Variants in CFAP299 observed in about 807,000 individuals in gnomAD.
The protein encoded by CFAP299 is cilia and flagella associated protein 299, also known as cilia- and flagella-associated protein 299.
Under a neutral mutation model 27.0 loss-of-function variants are expected in CFAP299, and 21 were observed. The ratio of observed to expected loss-of-function variants is 0.78; its 90% CI spans 0.55 to 1.12. The LOEUF (loss-of-function observed/expected upper bound fraction) is 1.12, where lower values mean the gene tolerates loss of function less well. CFAP299 is among the 50% of genes most tolerant of loss of function. The pLI, the probability that CFAP299 is intolerant of heterozygous loss-of-function variation, is 0.00. For synonymous variants in CFAP299, 104 were observed against 98.1 expected, an observed-to-expected ratio of 1.06 and a Z score of -0.36; for missense variants, 310 against 276.6, an observed-to-expected ratio of 1.12 and a Z score of -0.86.
At chr4:80,602,501 A>C (rs1280101585) in intron 3 of CFAP299, among the ~76,000 whole-genome samples, 1 of 152,220 alleles carries the variant, frequency 6.6e-6, no homozygotes, top group African/African-American at 2.4e-5. Flanking sequence ...CATTAACACT[A>C]CTAATAAAGT....
chr4:80,641,095 A>G (rs1341996490), intron 3 of CFAP299, among the ~76,000 whole-genome samples: 2 of 152,220 alleles, frequency 1.3e-5, no homozygotes, highest in Non-Finnish European at 2.9e-5. Context: ...TCATCAAAGC[A>G]TATTTTAACT....
At chr4:80,662,410 CG>C (rs1454810489) in intron 3 of CFAP299, among the ~76,000 whole-genome samples, 68 of 42,786 alleles carry the variant, frequency 1.6e-3, no homozygotes, top group Middle Eastern at 0.029. Context: ...GAATTTCCCC[CG>C]AAAAAAAAAA....
At chr4:80,373,411 A>T (rs1724247285) in intron 2 of CFAP299, among the ~76,000 whole-genome samples, 1 of 152,126 alleles carries the variant, frequency 6.6e-6, no homozygotes, top group Non-Finnish European at 1.5e-5. Flanking sequence ...CACTGCAATG[A>T]ATACTTGCTA....
chr4:80,693,699 T>TAA (rs879548224), intron 3 of CFAP299, among the ~76,000 whole-genome samples: 3 of 143,236 alleles, frequency 2.1e-5, no homozygotes, highest in Admixed American at 7.0e-5. Flanking sequence ...AATAATAATT[T>TAA]AAAAAAAAAA....
intron 3 of CFAP299, among the ~76,000 whole-genome samples, chr4:80,810,747 A>G (rs1343234935): frequency 6.6e-6 from 1 of 152,110 alleles, no homozygotes; most frequent in Non-Finnish European, 1.5e-5. Flanking sequence ...TGTTGTTCTA[A>G]ACCACACAGT....
chr4:80,584,430 G>C (rs1207528700), intron 3 of CFAP299, among the ~76,000 whole-genome samples: 1 of 151,820 alleles, frequency 6.6e-6, no homozygotes, highest in Non-Finnish European at 1.5e-5. Context: ...GTCAAGATGT[G>C]GTAATTGAAG....
rs189994468 is a variant in CFAP299 at position 80,792,322 on chromosome 4, T to C, written c.334-77671T>C. ...TTATGTCTGGGTTGATTTGGTCTCA[T>C]AAGTATTTTGAACTTTCTGAGTTGC... On this transcript the variant is annotated intron_variant, in intron 3 of 5. Transcript: ENST00000358105. 2.5e-3 allele frequency among the ~76,000 whole-genome samples: 385 copies of C among 152,202 alleles called. 1 individual carries two copies. The highest frequency in any genetic ancestry group is 8.8e-3 in the African/African-American group (364 of 41,564).
rs184476780 is a variant in CFAP299 at position 80,879,072 on chromosome 4, C to T, written c.476+8937C>T. On this transcript the variant is annotated intron_variant, in intron 4 of 5. Coordinates refer to ENST00000358105, the MANE Select transcript of CFAP299 (RefSeq NM_152770.3). ...GGTTAATAAAAGAAATAAGGATGCA[C>T]CATGATCATTATTCTTTAGATAACA... is the stretch of plus-strand genomic sequence containing the variant. Among the ~76,000 whole-genome samples, 574 of 152,138 alleles carry T rather than the reference C, an allele frequency of 3.8e-3. 1 individual carries two copies. The highest frequency in any genetic ancestry group is 0.017 in the Middle Eastern group (5 of 294).
Position 80,447,130 on chromosome 4 carries a change from G to GTTTTTTTTTTT in CFAP299, c.242+84259_242+84269dup, listed in dbSNP as rs1553923883. 2.5e-3 allele frequency among the ~76,000 whole-genome samples: 264 copies of GTTTTTTTTTTT among 105,178 alleles called. 2 individuals are homozygous for GTTTTTTTTTTT. The highest frequency in any genetic ancestry group is 9.6e-3 in the African/African-American group (217 of 22,668). 69.0% of individuals were successfully genotyped at this position (105,178 alleles called of 152,430 possible). A position where few individuals can be genotyped will look rare whatever the true frequency, so the allele number is the denominator to read the frequency against. On this transcript the variant is annotated intron_variant, in intron 2 of 5. Coordinates refer to ENST00000358105, the MANE Select transcript of CFAP299 (RefSeq NM_152770.3). Reference sequence around the variant, plus strand: ...TTTGCTTTTTATTTGTTTTTTTTTTGTTTTTTTTTTTTTTTTTTTTTTTGA... The same window carrying GTTTTTTTTTTT: ...TTTGCTTTTTATTTGTTTTTTTTTTGTTTTTTTTTTTTTTTTTTTTTTTTTTTTTTTTTTGA...
At chr4:80,438,317 CAAAGGCCTTG>C (rs1400783995) in intron 2 of CFAP299, among the ~76,000 whole-genome samples, 1 of 152,130 alleles carries the variant, frequency 6.6e-6, no homozygotes, top group Non-Finnish European at 1.5e-5. Context: ...TCAGTAAATG[CAAAGGCCTTG>C]AGTTTCCAGG....
chr4:80,536,762 A>G (rs1733756749), intron 2 of CFAP299, among the ~76,000 whole-genome samples: 1 of 152,152 alleles, frequency 6.6e-6, no homozygotes, highest in Non-Finnish European at 1.5e-5. Flanking sequence ...AAAATGGTTC[A>G]AAGGAAACAT....
At chr4:80,337,362 G>A (rs1320278927) in intron 1 of CFAP299, among the ~76,000 whole-genome samples, 3 of 151,754 alleles carry the variant, frequency 2.0e-5, no homozygotes, top group Non-Finnish European at 4.4e-5. Flanking sequence ...ATTAATTACA[G>A]ATGTGAAATT....
In CFAP299 at chr4:80,651,522, CA is replaced by C. The variant is rs1740296322; in HGVS notation, c.333+68340del. On this transcript the variant is annotated intron_variant, in intron 3 of 5. Coordinates refer to ENST00000358105, the MANE Select transcript of CFAP299 (RefSeq NM_152770.3). ...CTGAGACTAGAGTTGTGCGCCGCCA[CA>C]CCTAGCTAATTTTTTGAATTTTGTA... 8.6e-5 allele frequency among the ~76,000 whole-genome samples: 13 copies of C among 151,886 alleles called. 1 individual carries two copies. The South Asian group carries it at 2.7e-3, about 32-fold the overall frequency.
At chr4:80,874,709 T>C (rs1016995272) in intron 4 of CFAP299, among the ~76,000 whole-genome samples, 2 of 152,152 alleles carry the variant, frequency 1.3e-5, no homozygotes, top group Non-Finnish European at 2.9e-5. Flanking sequence ...GCCCTACCAC[T>C]TAATACACCA....
chr4:80,604,491 T>C (rs1320592035), intron 3 of CFAP299, among the ~76,000 whole-genome samples: 1 of 152,168 alleles, frequency 6.6e-6, no homozygotes, highest in Non-Finnish European at 1.5e-5. Flanking sequence ...AGCTGACAAT[T>C]GAAACTCAAG....
rs375702878 is a variant in CFAP299 at position 80,630,823 on chromosome 4, T to A, written c.333+47640T>A. On this transcript the variant is annotated intron_variant, in intron 3 of 5. Transcript: ENST00000358105. ...AACAAATGCCAAGAATAGACAGACTTGTAAATTATTTTTTTCTTACACATA... is the reference window on the plus strand; with the variant it reads ...AACAAATGCCAAGAATAGACAGACTAGTAAATTATTTTTTTCTTACACATA... Among the ~76,000 whole-genome samples the A allele has an allele frequency of 2.5e-4, 38 of 152,138 alleles. No individual in the cohort carries two copies. In the East Asian group the frequency reaches 6.4e-3, roughly 25 times the overall value.
intron 2 of CFAP299, among the ~76,000 whole-genome samples, chr4:80,472,537 T>C (rs1027325938): frequency 1.3e-5 from 2 of 152,180 alleles, no homozygotes; most frequent in Non-Finnish European, 2.9e-5. Flanking sequence ...TGGGTCTCTA[T>C]TGACTTCAAC....
At chr4:80,772,640 C>A (rs1471544428) in intron 3 of CFAP299, among the ~76,000 whole-genome samples, 3 of 151,906 alleles carry the variant, frequency 2.0e-5, no homozygotes, top group Non-Finnish European at 4.4e-5. Context: ...TGGTTTGCTG[C>A]CCCTATCAAC....
At chr4:80,504,466 T>C (rs1307163601) in intron 2 of CFAP299, among the ~76,000 whole-genome samples, 2 of 67,010 alleles carry the variant, frequency 3.0e-5, no homozygotes, top group African/African-American at 6.7e-5. Flanking sequence ...ATCTCACATA[T>C]ATATATATAT....
Sources: gnomAD v4.1 joint callset for allele counts (sites outside exome capture counted in the v4.1 genomes callset) on GRCh38, gnomAD v4.1.1 for gene constraint, MANE v1.5 for transcripts, NCBI Gene and HGNC (gene_info 2026-07-23, HGNC 2026-07-21) for gene names.